MARK2: variants seen among roughly 807,000 people sequenced by gnomAD.
MARK2 encodes microtubule affinity regulating kinase 2.
In MARK2, 16 loss-of-function variants were observed where a neutral mutation model predicts 89.8. That is an observed-to-expected ratio of 0.18 (90% CI 0.12 to 0.27). The LOEUF (loss-of-function observed/expected upper bound fraction) is 0.27, where lower values mean the gene tolerates loss of function less well. Ranked by LOEUF, MARK2 falls within the 10% of genes least tolerant of loss-of-function variation. The pLI, the probability that MARK2 is intolerant of heterozygous loss-of-function variation, is 1.00. For missense variants in MARK2, 621 were observed against 1,049.9 expected, an observed-to-expected ratio of 0.59 and a Z score of 5.65; for synonymous variants, 382 against 399.5, an observed-to-expected ratio of 0.96 and a Z score of 0.52.
At position 63,846,641 on chromosome 11, in the gene MARK2, C is replaced by A. The variant is rs373330873; in HGVS notation, c.54+7081C>A. Among the ~76,000 whole-genome samples, 556 of 149,194 alleles carry A rather than the reference C, an allele frequency of 3.7e-3. 4 individuals carry two copies. The highest frequency in any genetic ancestry group is 6.6e-3 in the Non-Finnish European group (448 of 67,572). On this transcript the variant is annotated intron_variant, in intron 1 of 18. Transcript: ENST00000402010. ...CTAGGATTATAGGCATGAGTCACCC[C>A]GCCTGGCCAAAAAAAATTTTTTTTT...
intron 17 of MARK2, 52 bp downstream of exon 17, chr11:63,906,166 G>A: frequency 1.6e-6 from 2 of 1,259,184 alleles, no homozygotes; most frequent in Non-Finnish European, 1.0e-6. Context: ...TCTGTGTCCT[G>A]TGTCCTGCCT....
In MARK2 at chr11:63,903,076, A is replaced by G; in HGVS notation, c.1432A>G (p.Thr478Ala). Residue 478 changes from threonine (T) to alanine (A), a missense_variant, in exon 14 of 19, where the codon ACC becomes GCC. By Grantham distance (58) the Thr-to-Ala change is moderately conservative (BLOSUM62 0). This residue lies in a region of MARK2 where 397 missense variants were observed against 567.8 expected (regional missense o/e 0.70). Coordinates refer to ENST00000402010, the MANE Select transcript of MARK2 (RefSeq NM_001039469.3). This position sits in a 1 kb window ranked among gnomAD's most constrained non-coding sequence, Gnocchi z 5.1. ...PTPSTNSVLS[T>A]STNRSRNSPL... ...TTCCCCACAGAACAGCGTCCTCTCC[A>G]CCAGCACAAATCGAAGCAGGAATTC... 6.2e-7 allele frequency: 1 copy of G among 1,613,938 alleles called. No individual in the cohort carries two copies. The highest frequency in any genetic ancestry group is 8.5e-7 in the Non-Finnish European group (1 of 1,179,956).
At chr11:63,846,437 C>A (rs887785439) in intron 1 of MARK2, among the ~76,000 whole-genome samples, 92 of 148,264 alleles carry the variant, frequency 6.2e-4, no homozygotes, top group Non-Finnish European at 1.2e-4. Flanking sequence ...CTCACTGCAA[C>A]CTCCGCCTCC....
intron 1 of MARK2, among the ~76,000 whole-genome samples, chr11:63,857,057 C>T (rs1460004308): frequency 1.3e-5 from 2 of 151,136 alleles, no homozygotes; most frequent in Non-Finnish European, 3.0e-5. Context: ...ATGATCCGCC[C>T]GCCTCGGCCT....
At chr11:63,889,010 T>C (rs1939603041) in intron 1 of MARK2, 1 of 1,303,654 alleles carries the variant, frequency 7.7e-7, no homozygotes, top group Non-Finnish European at 1.0e-6. Context: ...CTCCTCTTTC[T>C]TTCCTCTCAT....
At chr11:63,876,223 CTTA>C (rs1341682131) in intron 1 of MARK2, among the ~76,000 whole-genome samples, 2 of 16,762 alleles carry the variant, frequency 1.2e-4, no homozygotes, top group Non-Finnish European at 2.1e-4. Context: ...ATGACCAGAA[CTTA>C]GCCTTCAAAC....
At position 63,900,435 on chromosome 11, in the gene MARK2, T is replaced by G; in HGVS notation, c.769-124T>G. ...TGAGGTGTCTTGTCCCCAGGCTGTC[T>G]GCCTTCTTCCATATTTCATTTATGT... On this transcript the variant is annotated intron_variant, in intron 8 of 18. Transcript: ENST00000402010. This position sits in a 1 kb window ranked among gnomAD's most constrained non-coding sequence, Gnocchi z 4.7. 1 of 1,186,202 alleles carries G rather than the reference T, an allele frequency of 8.4e-7. No individual in the cohort carries two copies. The highest frequency in any genetic ancestry group is 1.4e-5 in the South Asian group (1 of 70,132). The allele number at this position is 1,186,202 out of a possible 1,614,324, so 73.5% of individuals were successfully genotyped here.
intron 1 of MARK2, among the ~76,000 whole-genome samples, chr11:63,867,975 T>C (rs779502714): frequency 6.6e-6 from 1 of 152,240 alleles, no homozygotes; most frequent in Non-Finnish European, 1.5e-5. Context: ...GATTGTTACC[T>C]TCTTTGAAGG....
At chr11:63,895,486 A>C in intron 2 of MARK2, 94 bp from the exon 3 acceptor site, 2 of 1,446,076 alleles carry the variant, frequency 1.4e-6, no homozygotes, top group Non-Finnish European at 1.9e-6. Context: ...CTGTGGGATG[A>C]AAAGGAGTAA....
chr11:63,870,209 G>T (rs1351556620), intron 1 of MARK2, among the ~76,000 whole-genome samples: 2 of 152,208 alleles, frequency 1.3e-5, no homozygotes, highest in Non-Finnish European at 2.9e-5. Flanking sequence ...CCATAGAGGT[G>T]CCAGAGGCCC....
At chr11:63,878,678 T>C (rs1346391819) in intron 1 of MARK2, among the ~76,000 whole-genome samples, 2 of 152,010 alleles carry the variant, frequency 1.3e-5, no homozygotes, top group African/African-American at 4.8e-5. Flanking sequence ...TCAAGTCTTC[T>C]TGATTCAAGC....
Position 63,904,175 on chromosome 11 carries a change from C to T in MARK2, c.1676+28C>T. ...AAGTGTGCTGGGGCAGCTGGTGCACCTGCTGCCCTCAGCCCACCCTACCCC... is the reference window on the plus strand; with the variant it reads ...AAGTGTGCTGGGGCAGCTGGTGCACTTGCTGCCCTCAGCCCACCCTACCCC... On this transcript the variant is annotated intron_variant, in intron 15 of 18. Coordinates refer to ENST00000402010, the MANE Select transcript of MARK2 (RefSeq NM_001039469.3). This position sits in a 1 kb window ranked among gnomAD's most constrained non-coding sequence, Gnocchi z 6.3. 1 of 1,530,642 alleles carries T rather than the reference C, an allele frequency of 6.5e-7. No homozygotes were observed. 94.8% of individuals were successfully genotyped at this position (1,530,642 alleles called of 1,614,324 possible). A position where few individuals can be genotyped will look rare whatever the true frequency, so the allele number is the denominator to read the frequency against.
chr11:63,857,650 C>T (rs555519888), intron 1 of MARK2, among the ~76,000 whole-genome samples: 23 of 152,176 alleles, frequency 1.5e-4, no homozygotes, highest in African/African-American at 5.5e-4. Context: ...TGAATTGATA[C>T]ATATTTAAAT....
chr11:63,872,215 GGGA>G (rs1410048308), intron 1 of MARK2, among the ~76,000 whole-genome samples: 1 of 152,214 alleles, frequency 6.6e-6, no homozygotes, highest in Non-Finnish European at 1.5e-5. Context: ...GTTCTGGAAA[GGGA>G]GGAGCTTTCC....
chr11:63,844,004 CA>C (rs2016153476), intron 1 of MARK2, among the ~76,000 whole-genome samples: 1 of 152,074 alleles, frequency 6.6e-6, no homozygotes, highest in Non-Finnish European at 1.5e-5. Context: ...TGATTCTGGC[CA>C]GGGGGTCCTT....
chr11:63,895,536 G>T (rs190396547), intron 2 of MARK2, 44 bp from the exon 3 acceptor site: 1 of 1,581,502 alleles, frequency 6.3e-7, no homozygotes, highest in East Asian at 2.2e-5. Flanking sequence ...CCTGGGTTTC[G>T]CTGGTCAGAG....
At chr11:63,859,708 T>C (rs1365245850) in intron 1 of MARK2, among the ~76,000 whole-genome samples, 1 of 151,664 alleles carries the variant, frequency 6.6e-6, no homozygotes, top group African/African-American at 2.4e-5. Context: ...CTCAGCTCAC[T>C]GCAGCCTCCA....
intron 1 of MARK2, among the ~76,000 whole-genome samples, chr11:63,874,919 T>G (rs1417201999): frequency 6.6e-6 from 1 of 152,104 alleles, no homozygotes; most frequent in Non-Finnish European, 1.5e-5. Flanking sequence ...TCCCATGGGG[T>G]AGGGCTTTCA....
chr11:63,882,852 C>T (rs771030432), intron 1 of MARK2, among the ~76,000 whole-genome samples: 17 of 152,110 alleles, frequency 1.1e-4, no homozygotes, highest in East Asian at 1.9e-4. Context: ...GCAAAGAAAA[C>T]GAGGTTAGGA....
Sources: gnomAD v4.1 joint callset for allele counts (sites outside exome capture counted in the v4.1 genomes callset) on GRCh38, gnomAD v4.1.1 for gene constraint, gnomAD v4.1.1 regional missense constraint, Gnocchi (gnomAD v3.1) non-coding constraint, MANE v1.5 for transcripts, NCBI Gene and HGNC (gene_info 2026-07-23, HGNC 2026-07-21) for gene names.